Variants in ITPR2 observed in about 807,000 individuals in gnomAD.
ITPR2 encodes the protein inositol 1,4,5-trisphosphate receptor type 2.
Under a neutral mutation model 317.1 loss-of-function variants are expected in ITPR2, and 207 were observed. The ratio of observed to expected loss-of-function variants is 0.65; its 90% CI spans 0.58 to 0.73. The LOEUF (loss-of-function observed/expected upper bound fraction) is 0.73, where lower values mean the gene tolerates loss of function less well. Among genes scored for constraint, ITPR2 ranks in the 30% least tolerant of loss-of-function variants. The pLI is 0.00. For missense variants in ITPR2, 2,613 were observed against 3,284.0 expected (o/e 0.80, Z 4.99); for synonymous variants, 1,156 against 1,149.1 (o/e 1.01, Z -0.12).
intron 37 of ITPR2, among the ~76,000 whole-genome samples, chr12:26,524,271 G>C (rs928845827): frequency 2.0e-5 from 3 of 152,160 alleles, no homozygotes; most frequent in Non-Finnish European, 4.4e-5. Context: ...ACTACATAGA[G>C]TATAACCAAC....
At chr12:26,724,199 ATGCAGCTGAG>A (rs1349716224) in intron 4 of ITPR2, among the ~76,000 whole-genome samples, 1 of 151,700 alleles carries the variant, frequency 6.6e-6, no homozygotes, top group African/African-American at 2.4e-5. Flanking sequence ...CAGGAAAGGA[ATGCAGCTGAG>A]ATAAAACAGT....
intron 28 of ITPR2, among the ~76,000 whole-genome samples, chr12:26,600,858 T>C (rs1945983426): frequency 1.3e-5 from 2 of 152,050 alleles, no homozygotes; most frequent in African/African-American, 4.8e-5. Flanking sequence ...CAGTTCTTCC[T>C]CTCTCCAATC....
In ITPR2 at chr12:26,509,616, G is replaced by T. The variant is rs186313510; in HGVS notation, c.5074-14356C>A. 2.6e-3 allele frequency among the ~76,000 whole-genome samples: 402 copies of T among 152,308 alleles called. 3 individuals are homozygous for T. The highest frequency in any genetic ancestry group is 9.0e-3 in the African/African-American group (376 of 41,582). ...ATGGCACGTTTTGAATGTTACATCT[G>T]TTAGTAAAATGTAGACAGGCTCAAA... On this transcript the variant is annotated intron_variant, in intron 37 of 56. Coordinates refer to ENST00000381340, the MANE Select transcript of ITPR2 (RefSeq NM_002223.4).
At chr12:26,651,777 C>G (rs1259524207) in intron 21 of ITPR2, among the ~76,000 whole-genome samples, 1 of 152,220 alleles carries the variant, frequency 6.6e-6, no homozygotes, top group Non-Finnish European at 1.5e-5. Context: ...ATCGCCCCCT[C>G]CTGTCAGAGT....
Position 26,419,229 on chromosome 12 carries a change from G to C in ITPR2, c.6946-16C>G. On this transcript the variant is annotated splice_polypyrimidine_tract_variant and intron_variant, in intron 49 of 56. Transcript: ENST00000381340. ...TATTACAAAGCTAAAGGGAGGAAAG[G>C]GTTACAGATTACTGTCTTATTTATC... 6.2e-7 allele frequency: 1 copy of C among 1,611,170 alleles called. No individual in the cohort carries two copies. The highest frequency in any genetic ancestry group is 8.5e-7 in the Non-Finnish European group (1 of 1,178,190).
At chr12:26,750,178 G>A (rs1949390658) in intron 2 of ITPR2, among the ~76,000 whole-genome samples, 1 of 152,178 alleles carries the variant, frequency 6.6e-6, no homozygotes, top group Non-Finnish European at 1.5e-5. Flanking sequence ...CAGATTGCAG[G>A]TTCGGATTTC....
intron 45 of ITPR2, among the ~76,000 whole-genome samples, chr12:26,447,376 C>T (rs976107061): frequency 2.0e-5 from 3 of 151,886 alleles, no homozygotes; most frequent in African/African-American, 7.3e-5. Context: ...TATTTATGTA[C>T]TCATATGTAT....
At chr12:26,485,904 T>A (rs1942654215) in intron 41 of ITPR2, among the ~76,000 whole-genome samples, 200 bp downstream of exon 41, 1 of 152,224 alleles carries the variant, frequency 6.6e-6, no homozygotes, top group Non-Finnish European at 1.5e-5. Context: ...GAGCCTGATT[T>A]TTTTTTCTTG....
At chr12:26,804,610 T>C (rs1156684908) in intron 1 of ITPR2, among the ~76,000 whole-genome samples, 6 of 152,192 alleles carry the variant, frequency 3.9e-5, no homozygotes, top group Non-Finnish European at 5.9e-5. Flanking sequence ...TTCCCTCGCT[T>C]ATAGGCTGGA....
intron 13 of ITPR2, among the ~76,000 whole-genome samples, chr12:26,666,747 A>G (rs1947640058): frequency 6.6e-6 from 1 of 152,166 alleles, no homozygotes; most frequent in Non-Finnish European, 1.5e-5. Flanking sequence ...TTTTAAATCT[A>G]TATTTTGGTT....
chr12:26,666,162 A>ATAGATAGATAGATAGATAGAG, intron 13 of ITPR2, 111 bp from the exon 14 acceptor site: 2 of 398,884 alleles, frequency 5.0e-6, no homozygotes, highest in East Asian at 7.5e-5. Context: ...AGATAGATAG[A>ATAGATAGATAGATAGATAGAG]TTTTTTTTTA....
chr12:26,682,111 G>T, intron 12 of ITPR2, 77 bp from the exon 13 acceptor site: 1 of 1,174,206 alleles, frequency 8.5e-7, no homozygotes, highest in Non-Finnish European at 1.2e-6. Context: ...ATCTAGTACT[G>T]TTTAAGAAAT....
At position 26,443,643 on chromosome 12, in the gene ITPR2, C is replaced by T. The variant is rs760151195; in HGVS notation, c.6350G>A (p.Arg2117His). 6.8e-6 allele frequency: 11 copies of T among 1,612,290 alleles called. No homozygotes were observed. The highest frequency in any genetic ancestry group is 4.5e-5 in the East Asian group (2 of 44,854). ...CATCTGCTGCAACAGTTTATTGTGG[C>T]GGGCCAACTAGAGTAGGGAAAAAAT... ...NIYILAHQLA[R>H]HNKLLQQMLK... The change falls in exon 46 of 57, where the codon CGC becomes CAC. Residue 2117 changes from arginine to histidine, a missense_variant. This residue lies in a region of ITPR2 where 926 missense variants were observed against 1,072.8 expected (regional missense o/e 0.86). Transcript: ENST00000381340.
intron 43 of ITPR2, 73 bp downstream of exon 43, chr12:26,481,058 T>A: frequency 1.2e-6 from 1 of 812,488 alleles, no homozygotes; most frequent in Non-Finnish European, 2.0e-6. Context: ...TAATATGCTT[T>A]TGACAAGAGC....
intron 45 of ITPR2, among the ~76,000 whole-genome samples, chr12:26,448,015 A>AAC (rs367560679): frequency 1.7e-4 from 26 of 150,492 alleles, no homozygotes; most frequent in Middle Eastern, 3.4e-3. Flanking sequence ...AAAAAAAAAA[A>AAC]CCCAGCATCC....
At chr12:26,383,471 TTTG>T (rs1939573141) in intron 55 of ITPR2, among the ~76,000 whole-genome samples, 8 of 131,136 alleles carry the variant, frequency 6.1e-5, no homozygotes, top group South Asian at 2.3e-4. Context: ...TGTTTTTTTG[TTTG>T]TTTGTTTGTT....
chr12:26,637,705 A>G (rs1462334548), intron 21 of ITPR2, among the ~76,000 whole-genome samples: 1 of 152,198 alleles, frequency 6.6e-6, no homozygotes, highest in African/African-American at 2.4e-5. Context: ...ACTCTTCTCC[A>G]TTTAATTATG....
At chr12:26,396,149 T>C (rs944884336) in intron 54 of ITPR2, among the ~76,000 whole-genome samples, 17 of 152,192 alleles carry the variant, frequency 1.1e-4, no homozygotes, top group Admixed American at 1.0e-3. Context: ...CATACATCTA[T>C]TGTGAAGAAA....
intron 37 of ITPR2, among the ~76,000 whole-genome samples, chr12:26,545,460 G>A (rs1944373552): frequency 6.6e-6 from 1 of 152,120 alleles, no homozygotes; most frequent in Non-Finnish European, 1.5e-5. Context: ...ACGAGCCAAG[G>A]AATGCAGGTG....
Sources: gnomAD v4.1 joint callset for allele counts (sites outside exome capture counted in the v4.1 genomes callset) on GRCh38, gnomAD v4.1.1 for gene constraint, gnomAD v4.1.1 regional missense constraint, MANE v1.5 for transcripts, NCBI Gene and HGNC (gene_info 2026-07-23, HGNC 2026-07-21) for gene names.